PIK3C2G: variants seen among roughly 807,000 people sequenced by gnomAD.
PIK3C2G encodes the protein phosphatidylinositol-4-phosphate 3-kinase catalytic subunit type 2 gamma.
Under a neutral mutation model 181.1 loss-of-function variants are expected in PIK3C2G, and 168 were observed. The ratio of observed to expected loss-of-function variants is 0.93; its 90% CI spans 0.82 to 1.05. The LOEUF is 1.05. PIK3C2G is among the 50% of genes least tolerant of loss of function. The pLI is 0.00. For missense variants in PIK3C2G, 1,869 were observed against 1,732.8 expected, an observed-to-expected ratio of 1.08 and a Z score of -1.40; for synonymous variants, 573 against 592.2, an observed-to-expected ratio of 0.97 and a Z score of 0.47.
chr12:18,684,083 G>T, the PIK3C2G span: 1 of 1,597,182 alleles, frequency 6.3e-7, no homozygotes, highest in South Asian at 1.1e-5. Context: ...ATATACACAA[G>T]TTATATTTAA....
intron 26 of PIK3C2G, among the ~76,000 whole-genome samples, chr12:18,562,292 C>T (rs537337461): frequency 5.1e-4 from 78 of 152,132 alleles, no homozygotes; most frequent in African/African-American, 1.9e-3. Flanking sequence ...CCACCACGCC[C>T]GGCTAATTTT....
At chr12:18,597,050 A>T (rs1439135010) in intron 30 of PIK3C2G, among the ~76,000 whole-genome samples, 3 of 152,056 alleles carry the variant, frequency 2.0e-5, no homozygotes, top group Admixed American at 2.0e-4. Flanking sequence ...GGGAAGAAAA[A>T]GATTAAAAAA....
At chr12:18,308,953 T>A (rs1040515784) in intron 5 of PIK3C2G, among the ~76,000 whole-genome samples, 2 of 151,700 alleles carry the variant, frequency 1.3e-5, no homozygotes, top group Non-Finnish European at 3.0e-5. Flanking sequence ...TTCCATTCAG[T>A]CTGTTGCACT....
chr12:18,266,674 T>A (rs1948513563), intron 1 of PIK3C2G, among the ~76,000 whole-genome samples: 1 of 152,134 alleles, frequency 6.6e-6, no homozygotes, highest in African/African-American at 2.4e-5. Flanking sequence ...ACAAACTGAA[T>A]GTTTGGTATA....
chr12:18,624,637 G>A (rs982184868), intron 31 of PIK3C2G, among the ~76,000 whole-genome samples: 1 of 151,524 alleles, frequency 6.6e-6, no homozygotes, highest in Non-Finnish European at 1.5e-5. Flanking sequence ...TTAAATATTT[G>A]ATAGAATACA....
downstream of PIK3C2G, among the ~76,000 whole-genome samples, chr12:18,652,452 T>C (rs1246825697): frequency 6.6e-6 from 1 of 152,104 alleles, no homozygotes; most frequent in African/African-American, 2.4e-5. Flanking sequence ...CCCACAGCTC[T>C]CAAAAGGAAC....
At chr12:18,719,594 T>C in the PIK3C2G span, 4 of 1,605,568 alleles carry the variant, frequency 2.5e-6, no homozygotes, top group South Asian at 4.5e-5. Flanking sequence ...TCCATGTATC[T>C]TGTAAAACCT....
the PIK3C2G span, among the ~76,000 whole-genome samples, chr12:18,704,960 T>C: frequency 6.6e-6 from 1 of 151,924 alleles, no homozygotes; most frequent in African/African-American, 2.4e-5. Context: ...GGGTTGTATG[T>C]ATATATATAT....
intron 24 of PIK3C2G, among the ~76,000 whole-genome samples, chr12:18,524,226 G>GC (rs1943094492): frequency 6.6e-6 from 1 of 152,158 alleles, no homozygotes; most frequent in Non-Finnish European, 1.5e-5. Flanking sequence ...TGTAGAAACT[G>GC]CAAGTCCAGG....
chr12:18,467,121 T>C (rs931087786), intron 18 of PIK3C2G, among the ~76,000 whole-genome samples: 4 of 152,050 alleles, frequency 2.6e-5, no homozygotes, highest in African/African-American at 9.7e-5. Flanking sequence ...AAACGCTCAA[T>C]GATAGGAAGC....
intron 16 of PIK3C2G, among the ~76,000 whole-genome samples, chr12:18,405,044 T>C (rs1944441988): frequency 6.6e-6 from 1 of 152,120 alleles, no homozygotes; most frequent in African/African-American, 2.4e-5. Context: ...TAAGGAAGAC[T>C]TTAAGCTTTC....
intron 18 of PIK3C2G, among the ~76,000 whole-genome samples, chr12:18,446,080 A>G (rs1414361672): frequency 6.6e-6 from 1 of 152,194 alleles, no homozygotes; most frequent in Non-Finnish European, 1.5e-5. Flanking sequence ...ATAATTAGCC[A>G]TGTTTTGAGA....
At chr12:18,647,117 A>T (rs911654722) in intron 32 of PIK3C2G, among the ~76,000 whole-genome samples, 5 of 152,128 alleles carry the variant, frequency 3.3e-5, no homozygotes, top group African/African-American at 1.2e-4. Flanking sequence ...TTTAATAAGC[A>T]TGTATTTTCA....
chr12:18,434,910 TA>T (rs1326000873), intron 18 of PIK3C2G, among the ~76,000 whole-genome samples: 4 of 151,698 alleles, frequency 2.6e-5, no homozygotes, highest in Non-Finnish European at 4.4e-5. Context: ...AGACATCCTC[TA>T]AAAATGTCTT....
intron 16 of PIK3C2G, among the ~76,000 whole-genome samples, chr12:18,416,051 G>C (rs1160821923): frequency 6.6e-6 from 1 of 152,110 alleles, no homozygotes; most frequent in Non-Finnish European, 1.5e-5. Flanking sequence ...TTCAAGGCCA[G>C]ATGGCCAAGA....
At chr12:18,588,834 A>C (rs1438157722) in intron 29 of PIK3C2G, among the ~76,000 whole-genome samples, 2 of 152,182 alleles carry the variant, frequency 1.3e-5, no homozygotes, top group Non-Finnish European at 2.9e-5. Flanking sequence ...AAAGAAATGG[A>C]ATCAACCTAA....
chr12:18,561,185 A>G (rs923168574), intron 26 of PIK3C2G, among the ~76,000 whole-genome samples: 25 of 152,244 alleles, frequency 1.6e-4, no homozygotes, highest in Admixed American at 1.3e-3. Context: ...AAAGACTGGT[A>G]GAGAGTTTAA....
chr12:18,602,639 C>T (rs997059602), intron 30 of PIK3C2G, among the ~76,000 whole-genome samples: 3 of 152,124 alleles, frequency 2.0e-5, no homozygotes, highest in African/African-American at 7.2e-5. Flanking sequence ...TCTGCCACCT[C>T]ACCAAAACAG....
downstream of PIK3C2G, among the ~76,000 whole-genome samples, chr12:18,650,293 T>TTCTCTCTCTC (rs140285960): frequency 2.3e-5 from 2 of 87,728 alleles, no homozygotes; most frequent in East Asian, 4.3e-4. Flanking sequence ...TAACCCAAAT[T>TTCTCTCTCTC]TCTCTCTCTC....
Sources: gnomAD v4.1 joint callset for allele counts (sites outside exome capture counted in the v4.1 genomes callset) on GRCh38, gnomAD v4.1.1 for gene constraint, MANE v1.5 for transcripts, NCBI Gene and HGNC (gene_info 2026-07-23, HGNC 2026-07-21) for gene names.